Variants in MICU2 observed in about 807,000 individuals in gnomAD.
The protein encoded by MICU2 is calcium uptake protein 2, mitochondrial.
MICU2 carries 64 observed loss-of-function variants against 60.4 expected under a neutral mutation model. The ratio of observed to expected loss-of-function variants is 1.06; its 90% CI spans 0.87 to 1.31. The LOEUF is 1.31. Among genes scored for constraint, MICU2 ranks in the 50% most tolerant of loss-of-function variants. MICU2 has a pLI of 0.00. For missense variants in MICU2, 569 were observed against 531.0 expected (o/e 1.07, Z -0.70); for synonymous variants, 201 against 175.0 (o/e 1.15, Z -1.17).
intron 4 of MICU2, among the ~76,000 whole-genome samples, chr13:21,523,227 T>C (rs1025489855): frequency 1.3e-5 from 2 of 152,204 alleles, no homozygotes; most frequent in African/African-American, 4.8e-5. Flanking sequence ...GGGACTTCTG[T>C]ACCTCCATAA....
intron 2 of MICU2, among the ~76,000 whole-genome samples, chr13:21,561,147 G>A (rs2138032344): frequency 6.6e-6 from 1 of 152,164 alleles, no homozygotes; most frequent in South Asian, 2.1e-4. Context: ...GTCTACTGTG[G>A]TCTAAGACCA....
intron 6 of MICU2, among the ~76,000 whole-genome samples, chr13:21,519,584 T>C (rs569380248): frequency 9.2e-5 from 14 of 152,326 alleles, no homozygotes; most frequent in African/African-American, 3.1e-4. Flanking sequence ...TTTCACTCTA[T>C]TTCTTCCCCT....
chr13:21,552,025 G>C (rs1037413620), intron 2 of MICU2, among the ~76,000 whole-genome samples: 2 of 152,088 alleles, frequency 1.3e-5, no homozygotes, highest in African/African-American at 4.8e-5. Context: ...TTCCACAAGG[G>C]TTGAACTAGT....
intron 1 of MICU2, among the ~76,000 whole-genome samples, chr13:21,602,281 G>A (rs1888837728): frequency 6.6e-6 from 1 of 151,898 alleles, no homozygotes; most frequent in East Asian, 1.9e-4. Context: ...CCAGCACTTA[G>A]GGAGGCCAAG....
At chr13:21,550,514 G>A (rs1887531045) in intron 2 of MICU2, among the ~76,000 whole-genome samples, 1 of 152,184 alleles carries the variant, frequency 6.6e-6, no homozygotes, top group South Asian at 2.1e-4. Context: ...CCCCAGCTTG[G>A]ACCACAGAGT....
chr13:21,572,943 CA>C (rs5802121), intron 1 of MICU2, among the ~76,000 whole-genome samples: 321 of 143,388 alleles, frequency 2.2e-3, no homozygotes, highest in African/African-American at 7.6e-3. Flanking sequence ...GTAAATAATA[CA>C]AAAAAAAAAT....
intron 6 of MICU2, among the ~76,000 whole-genome samples, chr13:21,517,339 T>C (rs1385856670): frequency 6.6e-6 from 1 of 152,268 alleles, no homozygotes; most frequent in African/African-American, 2.4e-5. Context: ...ATTACTTTTG[T>C]AGTACATATA....
At chr13:21,518,908 T>C (rs1399921140) in intron 6 of MICU2, among the ~76,000 whole-genome samples, 7 of 152,128 alleles carry the variant, frequency 4.6e-5, no homozygotes, top group Non-Finnish European at 1.0e-4. Flanking sequence ...GTTTTGAAGT[T>C]CTATTCACTC....
chr13:21,502,829 G>A, intron 9 of MICU2, 97 bp downstream of exon 9: 1 of 1,144,860 alleles, frequency 8.7e-7, no homozygotes. Flanking sequence ...ACCATCGAGG[G>A]TAGCACAGTC....
intron 7 of MICU2, among the ~76,000 whole-genome samples, chr13:21,513,264 A>C (rs1049738248): frequency 7.2e-5 from 11 of 152,164 alleles, no homozygotes; most frequent in Admixed American, 4.6e-4. Flanking sequence ...AGTGGCTAGA[A>C]CTTTCAGCAC....
At chr13:21,514,634 G>A (rs1478333684) in intron 6 of MICU2, among the ~76,000 whole-genome samples, 3 of 151,622 alleles carry the variant, frequency 2.0e-5, no homozygotes, top group East Asian at 3.9e-4. Context: ...CCAGGTTCAT[G>A]CTATTCTCCT....
In MICU2 at chr13:21,539,038, A is replaced by C. The variant is rs191636100; in HGVS notation, c.466+264T>G. On this transcript the variant is annotated intron_variant, in intron 4 of 11. Coordinates refer to ENST00000382374, the MANE Select transcript of MICU2 (RefSeq NM_152726.3). The stretch of plus-strand genomic sequence containing the variant: ...ATGACCTCTTTCCGTCCACTCCCCT[A>C]AGTGGTGTGGCTCCTCTGGATGCCC... 4.4e-3 allele frequency among the ~76,000 whole-genome samples: 573 copies of C among 130,448 alleles called. 17 individuals are homozygous for C. The highest frequency in any genetic ancestry group is 7.8e-4 in the Non-Finnish European group (44 of 56,310). 85.6% of individuals were successfully genotyped at this position (130,448 alleles called of 152,430 possible).
Position 21,539,699 on chromosome 13 carries a change from TAAG to T in MICU2, c.359-14_359-12del. 1 of 1,613,142 alleles carries T rather than the reference TAAG, an allele frequency of 6.2e-7. No individual in the cohort carries two copies. The highest frequency in any genetic ancestry group is 1.7e-4 in the Middle Eastern group (1 of 6,058). On this transcript the variant is annotated splice_polypyrimidine_tract_variant and intron_variant, in intron 2 of 11. Coordinates refer to ENST00000382374, the MANE Select transcript of MICU2 (RefSeq NM_152726.3). Reference sequence around the variant, plus strand: ...TGACTGAAGTTTTACCTACAACAAATAAGAAACATTATTTAGTATCCATATTCT... The same window carrying T: ...TGACTGAAGTTTTACCTACAACAAATAAACATTATTTAGTATCCATATTCT...
At position 21,502,989 on chromosome 13, in the gene MICU2, GA is replaced by G. The variant is rs773735238; in HGVS notation, c.869del (p.Phe290SerfsTer14). On this transcript the variant is annotated frameshift_variant, in exon 9 of 12. Coordinates refer to ENST00000382374, the MANE Select transcript of MICU2 (RefSeq NM_152726.3). LOFTEE classifies it high-confidence loss of function. ...AAATATCTTTATTTTCAGTGTTAGT[GA>G]AAAAAAGTAGCCACTCTGCAAAGTC... ...KEDFAEWLLF[F>X]TNTENKDIYW... The G allele has an allele frequency of 6.2e-7, 1 of 1,610,440 alleles. No homozygotes were observed. The highest frequency in any genetic ancestry group is 1.7e-5 in the Admixed American group (1 of 59,506).
chr13:21,589,350 G>C (rs1593358556), intron 1 of MICU2, among the ~76,000 whole-genome samples: 1 of 152,136 alleles, frequency 6.6e-6, no homozygotes. Flanking sequence ...CCGTAGGTTG[G>C]TGCAGAGGCT....
intron 1 of MICU2, among the ~76,000 whole-genome samples, chr13:21,603,098 C>T (rs1888863137): frequency 6.6e-6 from 1 of 151,864 alleles, no homozygotes; most frequent in African/African-American, 2.4e-5. Context: ...CCTCCCGCCA[C>T]CACACCCAGC....
rs138446351 is a variant in MICU2, at chr13:21,501,485, A to G, written c.933+1441T>C. 2.6e-3 allele frequency among the ~76,000 whole-genome samples: 392 copies of G among 152,206 alleles called. 5 individuals carry two copies. Among genetic ancestry groups the G allele is most frequent in the African/African-American group, 8.9e-3 (371 of 41,540 alleles). On this transcript the variant is annotated intron_variant, in intron 9 of 11. Transcript: ENST00000382374. ...CACCGTGTTAACCAGGATGGTCTTGATCTCCTGACCTCATGATCTGCCCGC... is the reference window on the plus strand; with the variant it reads ...CACCGTGTTAACCAGGATGGTCTTGGTCTCCTGACCTCATGATCTGCCCGC...
intron 8 of MICU2, among the ~76,000 whole-genome samples, chr13:21,505,659 T>A (rs1437190328): frequency 1.3e-5 from 2 of 152,212 alleles, no homozygotes; most frequent in African/African-American, 4.8e-5. Flanking sequence ...TAGTATCTAC[T>A]GTATATGACT....
At chr13:21,546,435 G>A (rs539588155) in intron 2 of MICU2, among the ~76,000 whole-genome samples, 1 of 152,230 alleles carries the variant, frequency 6.6e-6, no homozygotes, top group South Asian at 2.1e-4. Flanking sequence ...GGAGGGAGAG[G>A]TAAGGGAAAG....
Sources: allele counts gnomAD v4.1 joint callset (sites outside exome capture counted in the v4.1 genomes callset), GRCh38; gene constraint gnomAD v4.1.1; transcripts MANE v1.5; gene names NCBI Gene and HGNC (gene_info 2026-07-23, HGNC 2026-07-21).